Variants in PNPLA1 observed in about 807,000 individuals in gnomAD.
PNPLA1 encodes patatin like domain 1, omega-hydroxyceramide transacylase.
PNPLA1 carries 36 observed loss-of-function variants against 51.7 expected under a neutral mutation model. That is an observed-to-expected ratio of 0.70 (90% CI 0.53 to 0.92). The LOEUF is 0.92. Among genes scored for constraint, PNPLA1 ranks in the 40% least tolerant of loss-of-function variants. The probability of loss-of-function intolerance (pLI) is 0.00; values close to 1 mark genes in which losing one functional copy is unlikely to be tolerated. For missense variants in PNPLA1, 658 were observed against 682.5 expected, an observed-to-expected ratio of 0.96 and a Z score of 0.40; for synonymous variants, 293 against 280.1, an observed-to-expected ratio of 1.05 and a Z score of -0.46.
At chr6:36,310,176 G>A (rs910384881) in intron 8 of PNPLA1, among the ~76,000 whole-genome samples, 27 of 152,196 alleles carry the variant, frequency 1.8e-4, no homozygotes, top group African/African-American at 6.5e-4. Flanking sequence ...GGGCCTATGT[G>A]TTGGCTGGGA....
chr6:36,278,921 G>A (rs1770192480), intron 1 of PNPLA1, among the ~76,000 whole-genome samples: 1 of 152,156 alleles, frequency 6.6e-6, no homozygotes, highest in Non-Finnish European at 1.5e-5. Flanking sequence ...TATAAAAAAG[G>A]TCAGCATGCG....
chr6:36,295,169 C>A (rs1274127445), intron 4 of PNPLA1, among the ~76,000 whole-genome samples, 195 bp from the exon 5 acceptor site: 1 of 152,216 alleles, frequency 6.6e-6, no homozygotes, highest in Non-Finnish European at 1.5e-5. Context: ...CGGAGCATCA[C>A]TGGGGCGTGT....
Position 36,307,705 on chromosome 6 carries a change from A to G in PNPLA1, c.1588A>G (p.Lys530Glu), listed in dbSNP as rs1301539653. 2 of 1,613,952 alleles carry G rather than the reference A, an allele frequency of 1.2e-6. No individual in the cohort carries two copies. Among genetic ancestry groups the G allele is most frequent in the South Asian group, 2.2e-5 (2 of 91,080 alleles). The change falls in exon 8 of 9, where the codon AAA (lysine) becomes GAA (glutamate). Residue 530 changes from lysine to glutamate, a missense_variant. Physicochemically the swap from Lys to Glu is moderately conservative, Grantham distance 56. Transcript: ENST00000636260. ...RHSGSKKPSS[K>E]VQSAPCPLNF... ...TTCGGGATCCAAAAAACCAAGCAGCAAAGTGCAGTGAGCATGTCTAATGTT... is the reference window on the plus strand; with the variant it reads ...TTCGGGATCCAAAAAACCAAGCAGCGAAGTGCAGTGAGCATGTCTAATGTT...
chr6:36,307,541 CGA>C, intron 7 of PNPLA1, 44 bp from the exon 8 acceptor site: 1 of 1,597,950 alleles, frequency 6.3e-7, no homozygotes, highest in Non-Finnish European at 8.5e-7. Context: ...GTTGGAGGAC[CGA>C]GGTCAGGCCC....
chr6:36,245,668 G>A (rs764588207), intron 1 of PNPLA1, among the ~76,000 whole-genome samples: 6 of 152,188 alleles, frequency 3.9e-5, no homozygotes, highest in Admixed American at 6.5e-5. Flanking sequence ...AGCTGCATCC[G>A]CTCTTCTGTG....
At chr6:36,263,984 C>T (rs115450529) in intron 1 of PNPLA1, among the ~76,000 whole-genome samples, 2,644 of 152,284 alleles carry the variant, frequency 0.017, 79 homozygotes, top group African/African-American at 0.055. Flanking sequence ...CCCTTTCCCA[C>T]GGAAAACACC....
chr6:36,311,154 C>A (rs989934637), intron 8 of PNPLA1, among the ~76,000 whole-genome samples: 3 of 152,180 alleles, frequency 2.0e-5, no homozygotes, highest in African/African-American at 7.2e-5. Flanking sequence ...TTCACATAGT[C>A]CACCAGATGA....
intron 5 of PNPLA1, among the ~76,000 whole-genome samples, chr6:36,297,442 G>T (rs1366538818): frequency 6.6e-6 from 1 of 152,142 alleles, no homozygotes; most frequent in African/African-American, 2.4e-5. Flanking sequence ...AACAGAAAAT[G>T]GGAGTCCGCC....
intron 5 of PNPLA1, among the ~76,000 whole-genome samples, chr6:36,298,443 C>T (rs1407875490): frequency 6.6e-6 from 1 of 152,136 alleles, no homozygotes; most frequent in Non-Finnish European, 1.5e-5. Context: ...AAACACGTAA[C>T]AAATTTTAAG....
chr6:36,291,579 G>GGGGGGGGGGGGGGGGGGA, intron 2 of PNPLA1, 27 bp downstream of exon 2: 6 of 103,656 alleles, frequency 5.8e-5, no homozygotes, highest in South Asian at 3.2e-4. Context: ...GGGAGGGAGG[G>GGGGGGGGGGGGGGGGGGA]ACACGGAGGG....
intron 1 of PNPLA1, among the ~76,000 whole-genome samples, chr6:36,275,357 AGGCCTAAACCAGT>A (rs1770058016): frequency 6.6e-6 from 1 of 152,234 alleles, no homozygotes; most frequent in Admixed American, 6.5e-5. Context: ...CAAGAGTTAC[AGGCCTAAACCAGT>A]GCGCCTGGCC....
chr6:36,313,891 G>T lies in PNPLA1; in HGVS notation c.*2005G>T, dbSNP rs1771458760. 6.6e-6 allele frequency among the ~76,000 whole-genome samples: 1 copy of T among 152,176 alleles called. No homozygotes were observed. Among genetic ancestry groups the T allele is most frequent in the African/African-American group, 2.4e-5 (1 of 41,426 alleles). On this transcript the variant is annotated 3_prime_UTR_variant, in exon 9 of 9. Transcript: ENST00000636260. ...TTTTAATTCAAAGTCTGTATTTAGA[G>T]CCCAGATGCTCTTAATGTCAATTAT...
chr6:36,285,529 G>A (rs913846300), intron 1 of PNPLA1, among the ~76,000 whole-genome samples: 2 of 152,164 alleles, frequency 1.3e-5, no homozygotes, highest in Non-Finnish European at 2.9e-5. Flanking sequence ...GTGGAGTTGG[G>A]GAAGAGAAGC....
At position 36,313,442 on chromosome 6, in the gene PNPLA1, A is replaced by G. The variant is rs565557826; in HGVS notation, c.*1556A>G. Reference sequence around the variant, plus strand: ...ACCCAGAATGAATGGGTGGAGGACCATACTAAACTGCCCTTTGGAGCCTGA... The same window carrying G: ...ACCCAGAATGAATGGGTGGAGGACCGTACTAAACTGCCCTTTGGAGCCTGA... On this transcript the variant is annotated 3_prime_UTR_variant, in exon 9 of 9. Transcript: ENST00000636260. Among the ~76,000 whole-genome samples, 1 of 152,206 alleles carries G rather than the reference A, an allele frequency of 6.6e-6. No homozygotes were observed. The highest frequency in any genetic ancestry group is 2.4e-5 in the African/African-American group (1 of 41,456).
intron 6 of PNPLA1, 97 bp downstream of exon 6, chr6:36,302,566 G>A: frequency 5.5e-6 from 8 of 1,463,998 alleles, no homozygotes; most frequent in Non-Finnish European, 7.3e-6. Context: ...CTTTAGGGGT[G>A]CGTGGCTGAA....
rs189972788 is a variant in PNPLA1, at chr6:36,279,155, C to T, written c.205+8491C>T. 1.3e-3 allele frequency among the ~76,000 whole-genome samples: 198 copies of T among 152,292 alleles called. 3 individuals carry two copies. In the South Asian group the frequency reaches 0.031, roughly 24 times the overall value. ...AAGGGAGATGGCTTGTCCCTCTGGA[C>T]GGGAAACAGGCTTCAAAGGGATCTT... is the stretch of plus-strand genomic sequence containing the variant. On this transcript the variant is annotated intron_variant, in intron 1 of 8. Transcript: ENST00000636260.
intron 1 of PNPLA1, 96 bp downstream of exon 1, chr6:36,270,760 A>G (rs1561853943): frequency 7.2e-7 from 1 of 1,387,988 alleles, no homozygotes; most frequent in Non-Finnish European, 9.8e-7. Context: ...TTGGGGGACA[A>G]AGCCAGGCCT....
intron 1 of PNPLA1, among the ~76,000 whole-genome samples, chr6:36,277,179 G>A (rs1021407201): frequency 2.6e-5 from 4 of 152,222 alleles, no homozygotes; most frequent in Admixed American, 2.6e-4. Flanking sequence ...AACAGTGCAA[G>A]TCAACTGACG....
At chr6:36,259,068 ATTGTG>A (rs1049700806) in intron 1 of PNPLA1, among the ~76,000 whole-genome samples, 10 of 152,244 alleles carry the variant, frequency 6.6e-5, no homozygotes, top group Non-Finnish European at 1.3e-4. Flanking sequence ...CCAACTCATC[ATTGTG>A]TTGTGAACCA....
Sources: gnomAD v4.1 joint callset for allele counts (sites outside exome capture counted in the v4.1 genomes callset) on GRCh38, gnomAD v4.1.1 for gene constraint, MANE v1.5 for transcripts, NCBI Gene and HGNC (gene_info 2026-07-23, HGNC 2026-07-21) for gene names.